Variants in SUMF2 observed in about 807,000 individuals in gnomAD.
SUMF2 encodes the protein inactive C-alpha-formylglycine-generating enzyme 2.
Under a neutral mutation model 44.8 loss-of-function variants are expected in SUMF2, and 45 were observed. The ratio of observed to expected loss-of-function variants is 1.00; its 90% CI spans 0.79 to 1.29. The LOEUF is 1.29. SUMF2 is among the 50% of genes most tolerant of loss of function. SUMF2 has a pLI of 0.00. For synonymous variants in SUMF2, 148 were observed against 150.4 expected, an observed-to-expected ratio of 0.98 and a Z score of 0.12; for missense variants, 418 against 389.9, an observed-to-expected ratio of 1.07 and a Z score of -0.61.
At position 56,074,203 on chromosome 7, in the gene SUMF2, G is replaced by C; in HGVS notation, c.369G>C (p.Lys123Asn). 1 of 1,613,838 alleles carries C rather than the reference G, an allele frequency of 6.2e-7. No individual in the cohort carries two copies. Among genetic ancestry groups the C allele is most frequent in the Non-Finnish European group, 8.5e-7 (1 of 1,179,990 alleles). Reference protein sequence around the residue: ...KSVLWWLPVEKAFWRQPAGPG... With the variant: ...KSVLWWLPVENAFWRQPAGPG... Reference sequence around the variant, plus strand: ...TACTCTGGTGGCTTCCAGTGGAAAAGGCATTTTGGAGGCAGGTAAGGGCTG... The same window carrying C: ...TACTCTGGTGGCTTCCAGTGGAAAACGCATTTTGGAGGCAGGTAAGGGCTG... Residue 123 changes from lysine (K) to asparagine (N), a missense_variant, in exon 4 of 9, where the codon AAG (lysine) becomes AAC (asparagine). Physicochemically the swap from Lys to Asn is moderately conservative, Grantham distance 94. Transcript: ENST00000434526.
intron 8 of SUMF2, 94 bp downstream of exon 8, chr7:56,078,602 A>C: frequency 4.4e-6 from 6 of 1,359,222 alleles, no homozygotes; most frequent in South Asian, 1.6e-5. Context: ...CACACCACCA[A>C]CCGTCTGTGT....
the SUMF2 span, among the ~76,000 whole-genome samples, chr7:56,086,518 C>T: frequency 6.6e-6 from 1 of 151,770 alleles, no homozygotes; most frequent in Non-Finnish European, 1.5e-5. Context: ...GATGGAGTTT[C>T]GCTCTCGTAG....
downstream of SUMF2, among the ~76,000 whole-genome samples, chr7:56,083,958 G>A (rs895066929): frequency 2.6e-5 from 4 of 152,182 alleles, no homozygotes; most frequent in East Asian, 1.9e-4. Flanking sequence ...TCAACCCTCC[G>A]AGGAATAGGC....
chr7:56,074,411 C>T (rs900949186), intron 4 of SUMF2, 175 bp from the exon 5 acceptor site: 4 of 1,015,684 alleles, frequency 3.9e-6, no homozygotes, highest in Non-Finnish European at 5.7e-6. Flanking sequence ...CCATTTCTCC[C>T]TTCAGCCTCC....
intron 7 of SUMF2, 56 bp from the exon 8 acceptor site, chr7:56,078,308 G>A (rs1795710283): frequency 6.4e-7 from 1 of 1,559,726 alleles, no homozygotes; most frequent in Admixed American, 1.8e-5. Flanking sequence ...ACCTCAGAGG[G>A]TAGGCGGGGT....
At chr7:56,087,647 C>T in the SUMF2 span, 91 of 1,613,860 alleles carry the variant, frequency 5.6e-5, no homozygotes, top group Non-Finnish European at 7.3e-5. Flanking sequence ...CCTCCTTCAG[C>T]GTGGCTTCTC....
intron 1 of SUMF2, 135 bp downstream of exon 1, chr7:56,064,513 G>C (rs1379252244): frequency 1.5e-5 from 19 of 1,278,930 alleles, no homozygotes; most frequent in Non-Finnish European, 2.0e-5. Flanking sequence ...GGTAGCTCTC[G>C]GTGCGCGTGG....
intron 2 of SUMF2, 114 bp downstream of exon 2, chr7:56,068,752 G>A (rs1014672450): frequency 3.6e-5 from 46 of 1,270,056 alleles, no homozygotes; most frequent in African/African-American, 2.2e-4. Context: ...CCCAGGTGCT[G>A]GAGTGCAGTG....
At chr7:56,080,886 C>T (rs573157759), downstream of SUMF2, 2 of 771,736 alleles carry the variant, frequency 2.6e-6, no homozygotes, top group East Asian at 5.4e-5. Flanking sequence ...CACCCACTTC[C>T]CTTGTGCACA....
chr7:56,066,294 A>G (rs1342676218), intron 1 of SUMF2, among the ~76,000 whole-genome samples: 1 of 152,064 alleles, frequency 6.6e-6, no homozygotes, highest in Non-Finnish European at 1.5e-5. Flanking sequence ...GCATCAGCTG[A>G]AGCAGTATGG....
At chr7:56,069,633 G>T (rs1327332164) in intron 2 of SUMF2, among the ~76,000 whole-genome samples, 1 of 151,674 alleles carries the variant, frequency 6.6e-6, no homozygotes, top group Non-Finnish European at 1.5e-5. Flanking sequence ...ACAGGGTCTG[G>T]CTCTGTCACC....
Position 56,080,232 on chromosome 7 carries a change from G to T in SUMF2, c.*620G>T. 6.0e-6 allele frequency: 1 copy of T among 166,440 alleles called. No homozygotes were observed. 10.3% of individuals were successfully genotyped at this position (166,440 alleles called of 1,614,324 possible). A position where few individuals can be genotyped will look rare whatever the true frequency, so the allele number is the denominator to read the frequency against. ...GAATCACAAAGCAAATAGTACTCCA[G>T]AAAGACAAATATCAGAAGCTTCCTA... is the stretch of plus-strand genomic sequence containing the variant. On this transcript the variant is annotated 3_prime_UTR_variant, in exon 9 of 9. Coordinates refer to ENST00000434526, the MANE Select transcript of SUMF2 (RefSeq NM_015411.4).
At position 56,080,592 on chromosome 7, in the gene SUMF2, G is replaced by A. The variant is rs1398028880; in HGVS notation, c.*980G>A. On this transcript the variant is annotated 3_prime_UTR_variant, in exon 9 of 9. Coordinates refer to ENST00000434526, the MANE Select transcript of SUMF2 (RefSeq NM_015411.4). ...CTTCTCCATATGCCTCCAAAAACAT[G>A]TCCCTGGAGAGTAGCCTGCTCCCAC... The A allele has an allele frequency of 3.2e-5, 6 of 185,980 alleles. No individual in the cohort carries two copies. The highest frequency in any genetic ancestry group is 1.5e-4 in the East Asian group (1 of 6,738). 11.5% of individuals were successfully genotyped at this position (185,980 alleles called of 1,614,324 possible). A position where few individuals can be genotyped will look rare whatever the true frequency, so the allele number is the denominator to read the frequency against.
chr7:56,074,255 G>C, intron 4 of SUMF2, 37 bp downstream of exon 4: 1 of 1,600,524 alleles, frequency 6.2e-7, no homozygotes, highest in South Asian at 1.1e-5. Context: ...TTCTACCCCT[G>C]CTTGACTCTT....
At chr7:56,085,929 G>T in the SUMF2 span, among the ~76,000 whole-genome samples, 3 of 147,602 alleles carry the variant, frequency 2.0e-5, no homozygotes, top group African/African-American at 7.6e-5. Flanking sequence ...AGCCGAGATC[G>T]CACCACTATA....
chr7:56,085,645 C>G (rs942695409), downstream of SUMF2, among the ~76,000 whole-genome samples: 1 of 152,102 alleles, frequency 6.6e-6, no homozygotes, highest in Admixed American at 6.6e-5. Flanking sequence ...TTACAGTCGT[C>G]CCTAGATAGT....
intron 7 of SUMF2, 41 bp from the exon 8 acceptor site, chr7:56,078,323 G>T: frequency 6.4e-7 from 1 of 1,558,072 alleles, no homozygotes; most frequent in Non-Finnish European, 8.7e-7. Flanking sequence ...CGGGGTGGTC[G>T]GCGGGTCCCA....
chr7:56,073,095 C>T lies in SUMF2; in HGVS notation c.323C>T (p.Ala108Val), dbSNP rs1419178545. 1.9e-6 allele frequency: 3 copies of T among 1,613,770 alleles called. No individual in the cohort carries two copies. The highest frequency in any genetic ancestry group is 1.7e-5 in the Admixed American group (1 of 59,966). Residue 108 changes from alanine (A) to valine (V), a missense_variant, in exon 3 of 9, where the codon GCC (alanine) becomes GTC (valine). Physicochemically the swap from Ala to Val is moderately conservative, Grantham distance 64. Transcript: ENST00000434526. ...DFVSDELRNKATQPMKSVLWW... is the reference protein window; with the variant it reads ...DFVSDELRNKVTQPMKSVLWW... ...GTCTCTGATGAGCTGAGAAACAAAGCCACCCAGCCAATGAAGGTGAGAGAA... is the reference window on the plus strand; with the variant it reads ...GTCTCTGATGAGCTGAGAAACAAAGTCACCCAGCCAATGAAGGTGAGAGAA...
rs746997197 is a variant in SUMF2 at position 56,064,331 on chromosome 7, C to G, written c.20C>G (p.Pro7Arg). MARHGL[P>R]LLPLLSLLVG... The stretch of plus-strand genomic sequence containing the variant: ...GTCCTGATGGCCCGGCATGGGTTAC[C>G]GCTGCTGCCCCTGCTGTCGCTCCTG... Residue 7 changes from proline to arginine, a missense_variant, in exon 1 of 9, where the codon CCG becomes CGG. Coordinates refer to ENST00000434526, the MANE Select transcript of SUMF2 (RefSeq NM_015411.4). 2 of 1,599,752 alleles carry G rather than the reference C, an allele frequency of 1.3e-6. No individual in the cohort carries two copies. The highest frequency in any genetic ancestry group is 2.3e-5 in the East Asian group (1 of 44,288).
Sources: allele counts gnomAD v4.1 joint callset (sites outside exome capture counted in the v4.1 genomes callset), GRCh38; gene constraint gnomAD v4.1.1; transcripts MANE v1.5; gene names NCBI Gene and HGNC (gene_info 2026-07-23, HGNC 2026-07-21).